Variants in ATP6V0E1 observed in about 807,000 individuals in gnomAD.
ATP6V0E1 encodes ATPase H+ transporting V0 subunit e1, also known as V-type proton ATPase subunit e 1.
Under a neutral mutation model 11.6 loss-of-function variants are expected in ATP6V0E1, and 4 were observed. The ratio of observed to expected loss-of-function variants is 0.35; its 90% CI spans 0.17 to 0.79. The LOEUF is 0.79. Ranked by LOEUF, ATP6V0E1 falls within the 30% of genes least tolerant of loss-of-function variation. The probability of loss-of-function intolerance (pLI) is 0.54; values close to 1 mark genes in which losing one functional copy is unlikely to be tolerated. For missense variants in ATP6V0E1, 105 were observed against 100.0 expected, an observed-to-expected ratio of 1.05 and a Z score of -0.21; for synonymous variants, 36 against 34.8, an observed-to-expected ratio of 1.04 and a Z score of -0.13.
At chr5:173,005,697 A>C (rs1192843597) in intron 2 of ATP6V0E1, among the ~76,000 whole-genome samples, 1 of 152,024 alleles carries the variant, frequency 6.6e-6, no homozygotes, top group Admixed American at 6.6e-5. Flanking sequence ...CTTCCTTCTT[A>C]CTTTGGATTT....
chr5:173,025,143 CTTTTTTT>C (rs539174415), intron 3 of ATP6V0E1, among the ~76,000 whole-genome samples: 4 of 103,144 alleles, frequency 3.9e-5, no homozygotes, highest in Non-Finnish European at 8.0e-5. Context: ...GCCTGGCATT[CTTTTTTT>C]TTTTTTTTTT....
intron 3 of ATP6V0E1, chr5:173,020,836 C>T (rs376016727): frequency 3.8e-4 from 195 of 519,950 alleles, no homozygotes; most frequent in African/African-American, 3.4e-3. Flanking sequence ...GTTCTGGTGG[C>T]GTCTGGCACT....
intron 1 of ATP6V0E1, among the ~76,000 whole-genome samples, chr5:172,993,686 C>CT (rs1052943925): frequency 4.8e-5 from 6 of 125,174 alleles, no homozygotes; most frequent in Admixed American, 8.0e-5. Context: ...GAGACCCCCC[C>CT]CCCCGACCCC....
At chr5:172,993,604 C>G (rs1267172202) in intron 1 of ATP6V0E1, among the ~76,000 whole-genome samples, 3 of 151,260 alleles carry the variant, frequency 2.0e-5, no homozygotes, top group African/African-American at 7.3e-5. Context: ...CCAGTAATCC[C>G]AACACTTTGG....
chr5:172,983,782 T>A lies in ATP6V0E1; in HGVS notation c.-79T>A, dbSNP rs1411792832. On this transcript the variant is annotated 5_prime_UTR_variant, in exon 1 of 4. Transcript: ENST00000519374. ...GGGAGGCGGGGCTTGCACACGCTGGTCACGCGGTCAGCTATTGACACTTCC... is the reference window on the plus strand; with the variant it reads ...GGGAGGCGGGGCTTGCACACGCTGGACACGCGGTCAGCTATTGACACTTCC... 1 of 1,402,068 alleles carries A rather than the reference T, an allele frequency of 7.1e-7. No homozygotes were observed. Among genetic ancestry groups the A allele is most frequent in the African/African-American group, 1.4e-5 (1 of 70,728 alleles). 86.9% of individuals were successfully genotyped at this position (1,402,068 alleles called of 1,614,324 possible).
chr5:173,031,191 G>A (rs185130445), intron 3 of ATP6V0E1, among the ~76,000 whole-genome samples: 6 of 148,792 alleles, frequency 4.0e-5, no homozygotes, highest in Admixed American at 3.4e-4. Flanking sequence ...TGATCTGCCC[G>A]CCTCGGCTTC....
At chr5:172,986,660 G>T in intron 1 of ATP6V0E1, 1 of 439,950 alleles carries the variant, frequency 2.3e-6, no homozygotes, top group South Asian at 1.6e-5. Context: ...TCAGAGTCTG[G>T]GGAAGAGGCT....
In ATP6V0E1 at chr5:172,983,865, C is replaced by A. The variant is rs770345175; in HGVS notation, c.5C>A (p.Ala2Glu). 3 of 1,613,692 alleles carry A rather than the reference C, an allele frequency of 1.9e-6. No individual in the cohort carries two copies. In the South Asian group the frequency reaches 3.3e-5, roughly 18 times the overall value. The change falls in exon 1 of 4, where the codon GCG becomes GAG. Residue 2 changes from alanine (A) to glutamate (E), a missense_variant. By Grantham distance (107) the Ala-to-Glu change is moderately radical (BLOSUM62 -1). Coordinates refer to ENST00000519374, the MANE Select transcript of ATP6V0E1 (RefSeq NM_003945.4). ...GTTGGCGCTCAGGCGGCGACCATGGCGTATCACGGCCTCACTGTGCCTCTC... is the reference window on the plus strand; with the variant it reads ...GTTGGCGCTCAGGCGGCGACCATGGAGTATCACGGCCTCACTGTGCCTCTC... M[A>E]YHGLTVPLIV... is the part of the protein sequence containing the mutation.
intron 2 of ATP6V0E1, among the ~76,000 whole-genome samples, chr5:173,019,946 A>G (rs1306634053): frequency 2.6e-5 from 4 of 152,242 alleles, no homozygotes; most frequent in Non-Finnish European, 5.9e-5. Context: ...GATATCATGA[A>G]TTCAGGAAAT....
chr5:172,997,416 T>A (rs1756081699), intron 2 of ATP6V0E1, among the ~76,000 whole-genome samples: 2 of 152,224 alleles, frequency 1.3e-5, no homozygotes, highest in African/African-American at 4.8e-5. Flanking sequence ...CCAGTCTGTA[T>A]ATGCAAAGTA....
At chr5:173,030,446 T>G (rs1003668450) in intron 3 of ATP6V0E1, among the ~76,000 whole-genome samples, 9 of 150,284 alleles carry the variant, frequency 6.0e-5, no homozygotes, top group Non-Finnish European at 8.9e-5. Flanking sequence ...TTTTTGTTTT[T>G]TTTTTTTTTT....
At chr5:173,023,829 A>T (rs970191996) in intron 3 of ATP6V0E1, among the ~76,000 whole-genome samples, 6 of 152,116 alleles carry the variant, frequency 3.9e-5, no homozygotes, top group Non-Finnish European at 8.8e-5. Flanking sequence ...TGGGTGACAA[A>T]GCAAGACTCT....
intron 3 of ATP6V0E1, among the ~76,000 whole-genome samples, chr5:173,031,990 C>A (rs552853904): frequency 1.1e-3 from 158 of 150,330 alleles, no homozygotes; most frequent in African/African-American, 3.5e-3. Context: ...ACAACAACAA[C>A]AAAAAATACA....
At chr5:173,005,680 A>G (rs1451088634) in intron 2 of ATP6V0E1, among the ~76,000 whole-genome samples, 1 of 152,102 alleles carries the variant, frequency 6.6e-6, no homozygotes, top group Non-Finnish European at 1.5e-5. Flanking sequence ...TCTGCACGTT[A>G]TTATTTCTTC....
intron 1 of ATP6V0E1, 65 bp from the exon 2 acceptor site, chr5:172,994,710 C>A: frequency 7.6e-7 from 1 of 1,313,588 alleles, no homozygotes; most frequent in Non-Finnish European, 1.1e-6. Context: ...GGACTTAAAC[C>A]ATTCTGTGAT....
intron 3 of ATP6V0E1, among the ~76,000 whole-genome samples, chr5:173,026,581 C>A (rs1756561503): frequency 6.6e-6 from 1 of 152,142 alleles, no homozygotes; most frequent in Admixed American, 6.6e-5. Context: ...GCTACATATA[C>A]TATTCTGTAC....
chr5:173,031,138 G>A (rs920975598), intron 3 of ATP6V0E1, among the ~76,000 whole-genome samples: 1 of 151,920 alleles, frequency 6.6e-6, no homozygotes, highest in African/African-American at 2.4e-5. Flanking sequence ...TTGAGACGGG[G>A]TTTCACTGTG....
chr5:172,986,833 G>T (rs1755904859), intron 1 of ATP6V0E1: 2 of 406,262 alleles, frequency 4.9e-6, no homozygotes, highest in Middle Eastern at 8.3e-4. Flanking sequence ...CTGTCGCCAG[G>T]CTGGAGTGCA....
chr5:173,011,406 A>G (rs1011611767), intron 2 of ATP6V0E1, among the ~76,000 whole-genome samples: 2 of 151,610 alleles, frequency 1.3e-5, no homozygotes, highest in Admixed American at 1.3e-4. Context: ...CTGGTCTTGA[A>G]CTCATAGGCT....
Sources: allele counts gnomAD v4.1 joint callset (sites outside exome capture counted in the v4.1 genomes callset), GRCh38; gene constraint gnomAD v4.1.1; transcripts MANE v1.5; gene names NCBI Gene and HGNC (gene_info 2026-07-23, HGNC 2026-07-21).